NRXN3: variants seen among roughly 807,000 people sequenced by gnomAD.
NRXN3 encodes the protein neurexin III.
NRXN3 carries 32 observed loss-of-function variants against 137.6 expected under a neutral mutation model. The ratio of observed to expected loss-of-function variants is 0.23; its 90% CI spans 0.18 to 0.31. The LOEUF (loss-of-function observed/expected upper bound fraction) is 0.31, where lower values mean the gene tolerates loss of function less well. Among genes scored for constraint, NRXN3 ranks in the 10% least tolerant of loss-of-function variants. The probability of loss-of-function intolerance (pLI) is 1.00; values close to 1 mark genes in which losing one functional copy is unlikely to be tolerated. For missense variants in NRXN3, 1,574 were observed against 2,062.5 expected, an observed-to-expected ratio of 0.76 and a Z score of 4.59; for synonymous variants, 798 against 784.5, an observed-to-expected ratio of 1.02 and a Z score of -0.29.
chr14:79,211,988 G>C (rs528993426), intron 15 of NRXN3, among the ~76,000 whole-genome samples: 1 of 152,258 alleles, frequency 6.6e-6, no homozygotes, highest in South Asian at 2.1e-4. Context: ...TGTTGTAATA[G>C]CTGTTGTTTC....
intron 15 of NRXN3, among the ~76,000 whole-genome samples, chr14:79,437,778 C>T (rs1600280321): frequency 6.6e-6 from 1 of 152,176 alleles, no homozygotes; most frequent in Non-Finnish European, 1.5e-5. Flanking sequence ...AGCACTACAT[C>T]CTCATCAACC....
intron 8 of NRXN3, among the ~76,000 whole-genome samples, chr14:78,731,619 GT>G (rs2098515949): frequency 6.6e-6 from 1 of 150,872 alleles, no homozygotes; most frequent in South Asian, 2.1e-4. Context: ...GTGTGTGTGT[GT>G]GTGTGTGTCT....
chr14:79,243,928 G>C (rs1274542799), intron 15 of NRXN3, among the ~76,000 whole-genome samples: 2 of 152,090 alleles, frequency 1.3e-5, no homozygotes, highest in Admixed American at 1.3e-4. Flanking sequence ...TCAGGCTCCA[G>C]ATCCCAGCTT....
At chr14:79,547,393 T>C (rs1048571526) in intron 16 of NRXN3, among the ~76,000 whole-genome samples, 9 of 152,152 alleles carry the variant, frequency 5.9e-5, no homozygotes, top group Non-Finnish European at 8.8e-5. Flanking sequence ...AGCTGCTAAC[T>C]CCACACACAC....
At chr14:78,318,853 A>G (rs2079009935) in intron 4 of NRXN3, among the ~76,000 whole-genome samples, 1 of 152,234 alleles carries the variant, frequency 6.6e-6, no homozygotes. Context: ...TCTTAGCACC[A>G]AGGTTGCATT....
chr14:79,692,042 C>A, intron 17 of NRXN3, 131 bp from the exon 18 acceptor site: 1 of 635,522 alleles, frequency 1.6e-6, no homozygotes. Flanking sequence ...GACTTCAACT[C>A]CACCTCTACT....
intron 8 of NRXN3, among the ~76,000 whole-genome samples, chr14:78,766,888 T>C (rs1334334681): frequency 6.6e-6 from 1 of 152,228 alleles, no homozygotes; most frequent in Non-Finnish European, 1.5e-5. Flanking sequence ...GGAGCTAGCA[T>C]GATGATTTAC....
intron 1 of NRXN3, among the ~76,000 whole-genome samples, chr14:78,174,585 T>C (rs2059081991): frequency 1.3e-5 from 2 of 152,160 alleles, no homozygotes; most frequent in Non-Finnish European, 2.9e-5. Flanking sequence ...GTCAACACTG[T>C]GCGTGTGGTT....
intron 16 of NRXN3, among the ~76,000 whole-genome samples, chr14:79,604,745 T>G (rs2097979802): frequency 6.6e-6 from 1 of 152,056 alleles, no homozygotes; most frequent in Non-Finnish European, 1.5e-5. Flanking sequence ...AAAAACATCA[T>G]TCAGGGTTGG....
chr14:79,607,148 T>C (rs1411495986), intron 16 of NRXN3, among the ~76,000 whole-genome samples: 3 of 152,216 alleles, frequency 2.0e-5, no homozygotes, highest in African/African-American at 7.2e-5. Context: ...GTCAAAAACA[T>C]TGGAAAACTG....
At chr14:79,473,830 T>A (rs2096536087) in intron 16 of NRXN3, among the ~76,000 whole-genome samples, 2 of 152,170 alleles carry the variant, frequency 1.3e-5, no homozygotes, top group Non-Finnish European at 1.5e-5. Context: ...GGAGAGGACC[T>A]GCTGGGCATT....
At chr14:79,840,712 G>A (rs2099354119) in intron 20 of NRXN3, among the ~76,000 whole-genome samples, 1 of 152,086 alleles carries the variant, frequency 6.6e-6, no homozygotes, top group South Asian at 2.1e-4. Context: ...TATAATTATT[G>A]AGTAAAATAA....
intron 9 of NRXN3, among the ~76,000 whole-genome samples, chr14:78,807,325 T>C (rs2098878402): frequency 6.6e-6 from 1 of 152,198 alleles, no homozygotes; most frequent in Admixed American, 6.5e-5. Context: ...CCAGATGTTC[T>C]CTCTCTGGAA....
intron 14 of NRXN3, among the ~76,000 whole-genome samples, chr14:78,975,295 C>T (rs900461110): frequency 2.6e-5 from 4 of 152,024 alleles, no homozygotes; most frequent in Non-Finnish European, 5.9e-5. Context: ...CAGGGGATAT[C>T]TTCTCAGACA....
intron 10 of NRXN3, among the ~76,000 whole-genome samples, chr14:78,942,779 A>G (rs920485224): frequency 6.6e-6 from 1 of 152,202 alleles, no homozygotes; most frequent in Admixed American, 6.5e-5. Flanking sequence ...AATGTTCCCC[A>G]AACAACTAAT....
At chr14:79,529,634 CT>C (rs1374774716) in intron 16 of NRXN3, among the ~76,000 whole-genome samples, 1 of 152,180 alleles carries the variant, frequency 6.6e-6, no homozygotes, top group Non-Finnish European at 1.5e-5. Flanking sequence ...TAAAAATAAA[CT>C]TTGAAACTCC....
chr14:79,759,729 A>G (rs768670998), intron 19 of NRXN3, among the ~76,000 whole-genome samples: 6 of 151,774 alleles, frequency 4.0e-5, no homozygotes, highest in Non-Finnish European at 5.9e-5. Context: ...AGTTATCATA[A>G]GAATAATATG....
chr14:79,372,135 TAGAG>T (rs71131697), intron 15 of NRXN3, among the ~76,000 whole-genome samples: 1 of 151,486 alleles, frequency 6.6e-6, no homozygotes, highest in Non-Finnish European at 1.5e-5. Flanking sequence ...AAGACACACA[TAGAG>T]AGTGTGTGAG....
chr14:78,800,507 G>A (rs1353853129), intron 8 of NRXN3, among the ~76,000 whole-genome samples: 1 of 152,134 alleles, frequency 6.6e-6, no homozygotes, highest in South Asian at 2.1e-4. Flanking sequence ...TCTAAGAAGA[G>A]ATCTTCATAA....
Sources: gnomAD v4.1 joint callset for allele counts (sites outside exome capture counted in the v4.1 genomes callset) on GRCh38, gnomAD v4.1.1 for gene constraint, MANE v1.5 for transcripts, NCBI Gene and HGNC (gene_info 2026-07-23, HGNC 2026-07-21) for gene names.